CCDC39: variants seen among roughly 807,000 people sequenced by gnomAD.
CCDC39 encodes coiled-coil domain-containing protein 39.
Under a neutral mutation model 121.0 loss-of-function variants are expected in CCDC39, and 113 were observed. The observed-to-expected ratio is 0.93, with a 90% CI of 0.80 to 1.09. The LOEUF (loss-of-function observed/expected upper bound fraction) is 1.09, where lower values mean the gene tolerates loss of function less well. CCDC39 is among the 50% of genes least tolerant of loss of function. The pLI, the probability that CCDC39 is intolerant of heterozygous loss-of-function variation, is 0.00. For synonymous variants in CCDC39, 349 were observed against 352.2 expected, an observed-to-expected ratio of 0.99 and a Z score of 0.10; for missense variants, 1,063 against 1,074.7, an observed-to-expected ratio of 0.99 and a Z score of 0.15.
intron 11 of CCDC39, among the ~76,000 whole-genome samples, chr3:180,646,472 A>G (rs1377078289): frequency 6.6e-6 from 1 of 152,134 alleles, no homozygotes; most frequent in Non-Finnish European, 1.5e-5. Context: ...ACTTTAACAT[A>G]GGTTTTATAT....
intron 9 of CCDC39, among the ~76,000 whole-genome samples, chr3:180,648,810 T>C (rs985876476): frequency 6.6e-6 from 1 of 152,142 alleles, no homozygotes; most frequent in Non-Finnish European, 1.5e-5. Context: ...ATCATCTCTC[T>C]AGGAGATGAG....
chr3:180,619,403 TACTA>T (rs1170950182), intron 15 of CCDC39, 38 bp from the exon 16 acceptor site: 6 of 983,544 alleles, frequency 6.1e-6, no homozygotes, highest in African/African-American at 1.7e-5. Flanking sequence ...AATTTCAACA[TACTA>T]AGTAGAAATC....
At chr3:180,615,113 A>G (rs1211149764) in intron 19 of CCDC39, 36 bp from the exon 20 acceptor site, 2 of 1,475,774 alleles carry the variant, frequency 1.4e-6, no homozygotes, top group Non-Finnish European at 1.8e-6. Flanking sequence ...TTCAATGCAA[A>G]GTTTATATTT....
chr3:180,669,880 C>A (rs1264274099), intron 1 of CCDC39, among the ~76,000 whole-genome samples: 2 of 152,084 alleles, frequency 1.3e-5, no homozygotes, highest in African/African-American at 4.8e-5. Context: ...CTCTGTTGAG[C>A]ACTGTTAATG....
At chr3:180,626,535 G>A (rs1189239211) in intron 14 of CCDC39, among the ~76,000 whole-genome samples, 7 of 152,150 alleles carry the variant, frequency 4.6e-5, no homozygotes, top group Non-Finnish European at 7.4e-5. Flanking sequence ...TAGTGGGACA[G>A]CAGGAATCGT....
intron 1 of CCDC39, among the ~76,000 whole-genome samples, chr3:180,670,728 TAACA>T (rs1440905031): frequency 6.6e-6 from 1 of 150,952 alleles, no homozygotes; most frequent in African/African-American, 2.4e-5. Flanking sequence ...ATACAAATGA[TAACA>T]AAGCAAAATA....
chr3:180,615,397 T>C (rs1328267805), intron 19 of CCDC39, among the ~76,000 whole-genome samples: 1 of 152,154 alleles, frequency 6.6e-6, no homozygotes, highest in South Asian at 2.1e-4. Flanking sequence ...ACAGAGGAAA[T>C]AGGGCCAAGA....
chr3:180,619,556 A>AT (rs1185337216), intron 15 of CCDC39, among the ~76,000 whole-genome samples, 191 bp from the exon 16 acceptor site: 2 of 151,574 alleles, frequency 1.3e-5, no homozygotes, highest in Non-Finnish European at 2.9e-5. Flanking sequence ...ATATGCTGCC[A>AT]TTTTTTTTCA....
chr3:180,653,288 C>CA (rs1428163500), intron 7 of CCDC39, among the ~76,000 whole-genome samples: 1 of 152,182 alleles, frequency 6.6e-6, no homozygotes, highest in Non-Finnish European at 1.5e-5. Flanking sequence ...GACATCTGCC[C>CA]AGCAACTGAC....
rs887714654 is a variant in CCDC39 at position 180,614,789 on chromosome 3, A to T, written c.*132T>A. ...AAAATGAGAACGTTCCTTTTTTTTT[A>T]AAACTATCAGTTTTTACACTTACCA... On this transcript the variant is annotated 3_prime_UTR_variant, in exon 20 of 20. Coordinates refer to ENST00000476379, the MANE Select transcript of CCDC39 (RefSeq NM_181426.2). 37 of 716,432 alleles carry T rather than the reference A, an allele frequency of 5.2e-5. No individual in the cohort carries two copies. The highest frequency in any genetic ancestry group is 9.1e-5 in the East Asian group (3 of 32,970). 44.4% of individuals were successfully genotyped at this position (716,432 alleles called of 1,614,324 possible).
At chr3:180,665,480 A>C (rs1711850588) in intron 1 of CCDC39, among the ~76,000 whole-genome samples, 1 of 152,186 alleles carries the variant, frequency 6.6e-6, no homozygotes, top group Admixed American at 6.5e-5. Flanking sequence ...TAAGAAAAAA[A>C]TACTAATTTA....
chr3:180,651,830 G>A (rs1031371558), intron 8 of CCDC39, among the ~76,000 whole-genome samples: 2 of 152,138 alleles, frequency 1.3e-5, no homozygotes, highest in African/African-American at 4.8e-5. Context: ...GAGGTCAGGA[G>A]ATCAAGACCA....
chr3:180,679,014 C>T lies in CCDC39; in HGVS notation c.90+277G>A, dbSNP rs547888933. ...GCCTTTCCTCTCTCGCCAGGAGGAA[C>T]GAAATAAGTAAGAGGAGTGGGCATG... On this transcript the variant is annotated intron_variant, in intron 1 of 19. Transcript: ENST00000476379. This position sits in a 1 kb window ranked among gnomAD's most constrained non-coding sequence, Gnocchi z 4.0. 2.0e-4 allele frequency among the ~76,000 whole-genome samples: 30 copies of T among 152,110 alleles called. No homozygotes were observed. Among genetic ancestry groups the T allele is most frequent in the African/African-American group, 7.2e-4 (30 of 41,484 alleles).
At position 180,651,447 on chromosome 3, in the gene CCDC39, G is replaced by A; in HGVS notation, c.1121C>T (p.Ala374Val). The A allele has an allele frequency of 6.4e-7, 1 of 1,556,930 alleles. No homozygotes were observed. The change falls in exon 9 of 20, where the codon GCT becomes GTT. Residue 374 changes from alanine to valine, a missense_variant. By Grantham distance (64) the Ala-to-Val change is moderately conservative. Coordinates refer to ENST00000476379, the MANE Select transcript of CCDC39 (RefSeq NM_181426.2). The part of the protein sequence containing the change: ...TEKTMSVEEK[A>V]TNLEDMLKEE... Reference sequence around the variant, plus strand: ...CTTTAGCATATCTTCCAAATTAGTAGCTTTCTCTTCTACAGACATGGTTTT... The same window carrying A: ...CTTTAGCATATCTTCCAAATTAGTAACTTTCTCTTCTACAGACATGGTTTT...
At chr3:180,631,035 A>T (rs193237415) in intron 14 of CCDC39, among the ~76,000 whole-genome samples, 35 of 152,340 alleles carry the variant, frequency 2.3e-4, no homozygotes, top group Admixed American at 4.6e-4. Context: ...AGGTTGTCAC[A>T]TGCATACCAA....
At chr3:180,660,424 T>G (rs560834352) in intron 4 of CCDC39, 146 bp downstream of exon 4, 5 of 598,980 alleles carry the variant, frequency 8.3e-6, no homozygotes, top group African/African-American at 3.7e-5. Context: ...GAGAAGACAT[T>G]TGGCTTTATT....
At chr3:180,629,557 C>A (rs1717646070) in intron 14 of CCDC39, among the ~76,000 whole-genome samples, 1 of 152,186 alleles carries the variant, frequency 6.6e-6, no homozygotes, top group African/African-American at 2.4e-5. Flanking sequence ...TCATTGCACC[C>A]ATGGTTTGCT....
chr3:180,660,366 C>G (rs1446832055), intron 4 of CCDC39, among the ~76,000 whole-genome samples: 1 of 152,074 alleles, frequency 6.6e-6, no homozygotes. Flanking sequence ...ATCTATGAAA[C>G]AGTCAGCAAT....
chr3:180,620,458 T>C (rs1326036022), intron 14 of CCDC39, among the ~76,000 whole-genome samples: 2 of 152,012 alleles, frequency 1.3e-5, no homozygotes, highest in Non-Finnish European at 1.5e-5. Flanking sequence ...TAAGTGTGGC[T>C]GAAAAAGATG....
Sources: allele counts gnomAD v4.1 joint callset (sites outside exome capture counted in the v4.1 genomes callset), GRCh38; gene constraint gnomAD v4.1.1; non-coding constraint Gnocchi (gnomAD v3.1); transcripts MANE v1.5; gene names NCBI Gene and HGNC (gene_info 2026-07-23, HGNC 2026-07-21).